PLAC1: variants seen among roughly 807,000 people sequenced by gnomAD.
PLAC1 encodes the protein placenta associated 1, also known as placenta-specific protein 1.
For missense variants in PLAC1, 136 were observed against 163.2 expected (o/e 0.83, Z 0.91); for synonymous variants, 68 against 62.1 (o/e 1.09, Z -0.44).
intron 2 of PLAC1, among the ~76,000 whole-genome samples, chrX:134,707,746 T>C (rs1054591404): frequency 8.9e-5 from 10 of 112,325 alleles, no homozygotes; most frequent in South Asian, 3.7e-4. Context: ...TCCTCTTCTA[T>C]TGATTTTTTT....
At chrX:134,762,351 T>G (rs985768910) in intron 1 of PLAC1, among the ~76,000 whole-genome samples, 16 of 110,309 alleles carry the variant, frequency 1.5e-4, no homozygotes, top group Non-Finnish European at 2.5e-4. Context: ...CTCCAGGAAT[T>G]ATCACAAATG....
At chrX:134,676,339 A>C (rs1362888485) in intron 2 of PLAC1, among the ~76,000 whole-genome samples, 1 of 110,964 alleles carries the variant, frequency 9.0e-6, no homozygotes, top group African/African-American at 3.3e-5. Flanking sequence ...GGAGCAGATA[A>C]GCTCCGCCGC....
intron 2 of PLAC1, among the ~76,000 whole-genome samples, chrX:134,688,829 C>G (rs754838254): frequency 9.0e-6 from 1 of 111,711 alleles, no homozygotes; most frequent in East Asian, 2.8e-4. Context: ...TTCCTGTAAC[C>G]CAAGGGCCAA....
At chrX:134,578,773 G>A (rs1419111422) in intron 2 of PLAC1, among the ~76,000 whole-genome samples, 1 of 108,196 alleles carries the variant, frequency 9.2e-6, no homozygotes, top group East Asian at 3.0e-4. Flanking sequence ...AGCTGATCAA[G>A]AGAGATAACA....
At chrX:134,701,630 A>C (rs1484120938) in intron 2 of PLAC1, among the ~76,000 whole-genome samples, 1 of 112,496 alleles carries the variant, frequency 8.9e-6, no homozygotes, top group East Asian at 2.8e-4. Flanking sequence ...GGGCAAAAAC[A>C]TGAGCAGGCA....
intron 2 of PLAC1, among the ~76,000 whole-genome samples, chrX:134,674,303 A>G (rs2078465947): frequency 1.8e-5 from 2 of 112,563 alleles, no homozygotes; most frequent in Admixed American, 1.9e-4. Context: ...TATGCCTCAA[A>G]TTCTCTTGGG....
intron 2 of PLAC1, among the ~76,000 whole-genome samples, chrX:134,698,093 A>G (rs902785218): frequency 9.0e-6 from 1 of 111,493 alleles, no homozygotes; most frequent in African/African-American, 3.3e-5. Flanking sequence ...TTATAAATAT[A>G]TATATATGCA....
intron 2 of PLAC1, among the ~76,000 whole-genome samples, chrX:134,731,787 A>G (rs1325734491): frequency 9.0e-6 from 1 of 111,716 alleles, no homozygotes; most frequent in Non-Finnish European, 1.9e-5. Context: ...TATCTACACT[A>G]TGAGTTCTTA....
chrX:134,711,681 C>T (rs2078628513), intron 2 of PLAC1, among the ~76,000 whole-genome samples: 4 of 112,067 alleles, frequency 3.6e-5, no homozygotes, highest in Non-Finnish European at 5.6e-5. Context: ...TTCTGTTCCA[C>T]ACAGTTTGGC....
At chrX:134,624,825 A>G (rs1386015151) in intron 1 of PLAC1, among the ~76,000 whole-genome samples, 1 of 111,486 alleles carries the variant, frequency 9.0e-6, no homozygotes, top group Non-Finnish European at 1.9e-5. Context: ...AAAAGGTGTC[A>G]GCATTTAAAA....
chrX:134,734,937 G>A (rs1038410924), intron 1 of PLAC1, among the ~76,000 whole-genome samples: 2 of 111,058 alleles, frequency 1.8e-5, no homozygotes, highest in African/African-American at 6.6e-5. Context: ...AGACTCAGAT[G>A]GGGGGTGGTG....
At chrX:134,672,344 C>A (rs1000071479) in intron 2 of PLAC1, among the ~76,000 whole-genome samples, 1 of 111,330 alleles carries the variant, frequency 9.0e-6, no homozygotes, top group African/African-American at 3.3e-5. Context: ...CGGGGTATCT[C>A]TGGGTGGTCC....
chrX:134,702,587 C>A (rs2078587342), intron 2 of PLAC1, among the ~76,000 whole-genome samples: 1 of 111,576 alleles, frequency 9.0e-6, no homozygotes, highest in East Asian at 2.8e-4. Context: ...ATGGACACTG[C>A]AGACTACTAG....
At chrX:134,602,370 C>A (rs1303032659) in intron 1 of PLAC1, among the ~76,000 whole-genome samples, 1 of 111,835 alleles carries the variant, frequency 8.9e-6, no homozygotes, top group East Asian at 2.8e-4. Context: ...AAAAATCACA[C>A]CCTCAAATTA....
intron 2 of PLAC1, among the ~76,000 whole-genome samples, chrX:134,716,138 C>G (rs1409683616): frequency 8.9e-6 from 1 of 112,298 alleles, no homozygotes; most frequent in Non-Finnish European, 1.9e-5. Flanking sequence ...CCAGCTCCCC[C>G]GGGTCTCTCT....
intron 2 of PLAC1, among the ~76,000 whole-genome samples, chrX:134,674,154 A>G (rs2078465351): frequency 1.8e-5 from 2 of 112,751 alleles, no homozygotes; most frequent in Middle Eastern, 4.6e-3. Flanking sequence ...ACACTTCACA[A>G]GTTGAATGGT....
intron 2 of PLAC1, among the ~76,000 whole-genome samples, chrX:134,588,290 T>TTTTATTTA (rs58865720): frequency 5.6e-4 from 42 of 74,657 alleles, no homozygotes; most frequent in African/African-American, 1.7e-3. Flanking sequence ...GAACTCTTTA[T>TTTTATTTA]TTTATTTATT....
At chrX:134,735,400 G>A (rs1320729631) in intron 1 of PLAC1, among the ~76,000 whole-genome samples, 1 of 109,056 alleles carries the variant, frequency 9.2e-6, no homozygotes, top group East Asian at 2.8e-4. Flanking sequence ...CCACTTACTT[G>A]TGTGACAACC....
intron 2 of PLAC1, among the ~76,000 whole-genome samples, chrX:134,710,344 T>C (rs1347026536): frequency 8.9e-6 from 1 of 111,901 alleles, no homozygotes; most frequent in Non-Finnish European, 1.9e-5. Context: ...TATGGTGTCA[T>C]GGGAGCTCAT....
Sources: allele counts gnomAD v4.1 joint callset (sites outside exome capture counted in the v4.1 genomes callset), GRCh38; gene constraint gnomAD v4.1.1; transcripts MANE v1.5; gene names NCBI Gene and HGNC (gene_info 2026-07-23, HGNC 2026-07-21).